The following PINX1 variants were observed in gnomAD, a reference collection of about 807,000 sequenced individuals.
The protein encoded by PINX1 is PIN2/TERF1-interacting telomerase inhibitor 1.
In PINX1, 34 loss-of-function variants were observed where a neutral mutation model predicts 25.4. The ratio of observed to expected loss-of-function variants is 1.34; its 90% CI spans 1.02 to 1.78. The LOEUF (loss-of-function observed/expected upper bound fraction) is 1.78, where lower values mean the gene tolerates loss of function less well. PINX1 is among the 40% of genes most tolerant of loss of function. The pLI is 0.00. For synonymous variants in PINX1, 197 were observed against 147.7 expected (o/e 1.33, Z -2.42); for missense variants, 592 against 404.9 (o/e 1.46, Z -3.97).
At chr8:10,817,092 G>A (rs559454003) in intron 6 of PINX1, among the ~76,000 whole-genome samples, 33 of 152,310 alleles carry the variant, frequency 2.2e-4, no homozygotes, top group African/African-American at 7.7e-4. Context: ...CCCAAGCCAA[G>A]AACATGGTTA....
intron 6 of PINX1, among the ~76,000 whole-genome samples, chr8:10,794,181 G>A (rs999699340): frequency 7.6e-4 from 116 of 152,066 alleles, no homozygotes; most frequent in African/African-American, 2.7e-3. Context: ...TTTTAGAAAT[G>A]GGCTCAGATG....
intron 6 of PINX1, among the ~76,000 whole-genome samples, chr8:10,784,427 G>T (rs7014155): frequency 6.6e-6 from 1 of 152,112 alleles, no homozygotes; most frequent in Non-Finnish European, 1.5e-5. Flanking sequence ...AAGTTTCAGC[G>T]CTACCTAGAA....
At chr8:10,790,952 G>T (rs1280552203) in intron 6 of PINX1, among the ~76,000 whole-genome samples, 1 of 151,942 alleles carries the variant, frequency 6.6e-6, no homozygotes, top group Non-Finnish European at 1.5e-5. Context: ...TCCCACCGTT[G>T]CCTCGGCTGG....
intron 4 of PINX1, among the ~76,000 whole-genome samples, chr8:10,829,854 T>C (rs1476107513): frequency 6.6e-6 from 1 of 152,110 alleles, no homozygotes; most frequent in Non-Finnish European, 1.5e-5. Context: ...CCAGCTAATT[T>C]TGTATTTTTA....
intron 6 of PINX1, among the ~76,000 whole-genome samples, chr8:10,816,616 A>C (rs982197050): frequency 6.6e-6 from 1 of 152,220 alleles, no homozygotes; most frequent in African/African-American, 2.4e-5. Flanking sequence ...TTGAAATTTA[A>C]ACCATTATTT....
At chr8:10,812,955 T>C (rs1797582043) in intron 6 of PINX1, among the ~76,000 whole-genome samples, 1 of 152,230 alleles carries the variant, frequency 6.6e-6, no homozygotes, top group African/African-American at 2.4e-5. Context: ...ATTAGATCTT[T>C]CTAGAAGTAA....
intron 6 of PINX1, among the ~76,000 whole-genome samples, chr8:10,779,707 AGTGGGGTTAAGTACTT>A (rs1483176450): frequency 2.0e-5 from 3 of 152,222 alleles, no homozygotes; most frequent in Non-Finnish European, 4.4e-5. Context: ...ATAAAAGATG[AGTGGGGTTAAGTACTT>A]GTGGTCCTAA....
chr8:10,786,872 C>T (rs1332994937), intron 6 of PINX1, among the ~76,000 whole-genome samples: 1 of 152,176 alleles, frequency 6.6e-6, no homozygotes, highest in African/African-American at 2.4e-5. Context: ...CAGCTAGTGG[C>T]AGATTGCACC....
chr8:10,782,628 C>G (rs780099900), intron 6 of PINX1, among the ~76,000 whole-genome samples: 41 of 152,120 alleles, frequency 2.7e-4, no homozygotes, highest in South Asian at 1.0e-3. Context: ...CCCAGCCACT[C>G]AGGAGGCTGA....
chr8:10,825,112 C>T lies in PINX1; in HGVS notation c.394+1040G>A, dbSNP rs62492351. Among the ~76,000 whole-genome samples the T allele has an allele frequency of 4.8e-3, 738 of 152,332 alleles. 15 individuals are homozygous for T. Among genetic ancestry groups the T allele is most frequent in the Non-Finnish European group, 3.1e-3 (209 of 68,034 alleles). ...ATCCCCAATCCACTCAGCTCTGCCA[C>T]GGCCTCTCACCTCAACCAAACCCAG... is the stretch of plus-strand genomic sequence containing the variant. On this transcript the variant is annotated intron_variant, in intron 5 of 6. Coordinates refer to ENST00000314787, the MANE Select transcript of PINX1 (RefSeq NM_017884.6).
At chr8:10,801,382 C>G (rs10097531) in intron 6 of PINX1, among the ~76,000 whole-genome samples, 35,457 of 152,152 alleles carry the variant, frequency 0.23, 4,272 homozygotes, top group East Asian at 0.33. Context: ...AAAGAGTCTC[C>G]AAGTACTTTC....
In PINX1 at chr8:10,819,779, C is replaced by G. The variant is rs12676401; in HGVS notation, c.471+414G>C. Among the ~76,000 whole-genome samples, 56 of 152,234 alleles carry G rather than the reference C, an allele frequency of 3.7e-4. No homozygotes were observed. In the East Asian group the frequency reaches 7.9e-3, roughly 22 times the overall value. ...GCTGTTAGAATGGGACAGGCTGGTT[C>G]TAGAGAATGAAGGTGACATGCTTCC... is the stretch of plus-strand genomic sequence containing the variant. On this transcript the variant is annotated intron_variant, in intron 6 of 6. Coordinates refer to ENST00000314787, the MANE Select transcript of PINX1 (RefSeq NM_017884.6).
At chr8:10,768,020 G>A (rs1452576549) in intron 6 of PINX1, among the ~76,000 whole-genome samples, 1 of 62,988 alleles carries the variant, frequency 1.6e-5, no homozygotes, top group East Asian at 6.1e-4. Flanking sequence ...TCGGTGACCA[G>A]GCACCCTCAC....
chr8:10,791,537 G>A (rs1464037701), intron 6 of PINX1, among the ~76,000 whole-genome samples: 13 of 152,232 alleles, frequency 8.5e-5, no homozygotes, highest in African/African-American at 2.7e-4. Context: ...AACTCCAACT[G>A]AGAATAAAGG....
At chr8:10,825,122 C>T (rs1187157224) in intron 5 of PINX1, among the ~76,000 whole-genome samples, 3 of 152,230 alleles carry the variant, frequency 2.0e-5, no homozygotes, top group Non-Finnish European at 4.4e-5. Context: ...CGGCCTCTCA[C>T]CTCAACCAAA....
chr8:10,828,221 G>T (rs1258537777), intron 4 of PINX1, among the ~76,000 whole-genome samples: 1 of 152,140 alleles, frequency 6.6e-6, no homozygotes, highest in Non-Finnish European at 1.5e-5. Flanking sequence ...GGACACCTTG[G>T]ATTTTTTGCA....
At chr8:10,822,808 A>T (rs560096169) in intron 5 of PINX1, among the ~76,000 whole-genome samples, 2 of 152,218 alleles carry the variant, frequency 1.3e-5, no homozygotes, top group South Asian at 4.1e-4. Context: ...AGCAGAGTTG[A>T]GCTGCCGAGA....
intron 5 of PINX1, chr8:10,825,459 T>C (rs745820963): frequency 1.1e-5 from 6 of 534,546 alleles, no homozygotes; most frequent in Non-Finnish European, 2.3e-5. Context: ...ACAGACAAAC[T>C]GGGGAGTTGG....
At chr8:10,801,719 T>C (rs1802268304) in intron 6 of PINX1, among the ~76,000 whole-genome samples, 1 of 152,216 alleles carries the variant, frequency 6.6e-6, no homozygotes, top group Non-Finnish European at 1.5e-5. Context: ...CTTACAGAAC[T>C]ACAGCAAACC....
Sources: gnomAD v4.1 joint callset for allele counts (sites outside exome capture counted in the v4.1 genomes callset) on GRCh38, gnomAD v4.1.1 for gene constraint, MANE v1.5 for transcripts, NCBI Gene and HGNC (gene_info 2026-07-23, HGNC 2026-07-21) for gene names.